Variants in LDLRAD3 observed in about 807,000 individuals in gnomAD.
The protein encoded by LDLRAD3 is low density lipoprotein receptor class A domain containing 3.
In LDLRAD3, 20 loss-of-function variants were observed where a neutral mutation model predicts 29.4. The ratio of observed to expected loss-of-function variants is 0.68; its 90% confidence interval spans 0.48 to 0.99. The LOEUF (loss-of-function observed/expected upper bound fraction) is 0.99. Among genes scored for constraint, LDLRAD3 ranks in the 50% least tolerant of loss-of-function variants. The pLI is 0.00. For synonymous variants in LDLRAD3, 157 were observed against 192.7 expected (o/e 0.81, Z 1.53); for missense variants, 420 against 454.3 (o/e 0.92, Z 0.69).
At chr11:36,117,441 G>A (rs552482998) in intron 4 of LDLRAD3, among the ~76,000 whole-genome samples, 3 of 152,298 alleles carry the variant, frequency 2.0e-5, no homozygotes, top group Admixed American at 6.5e-5. Context: ...AACTACACTC[G>A]TTTGCTGACT....
chr11:35,952,740 A>G (rs978064245), intron 1 of LDLRAD3, among the ~76,000 whole-genome samples: 2 of 152,190 alleles, frequency 1.3e-5, no homozygotes, highest in Non-Finnish European at 2.9e-5. Flanking sequence ...CTGGAAATAT[A>G]TTTTCTAGAC....
At chr11:35,993,391 G>A (rs151189331) in intron 1 of LDLRAD3, among the ~76,000 whole-genome samples, 101 of 152,286 alleles carry the variant, frequency 6.6e-4, no homozygotes, top group Middle Eastern at 3.4e-3. Flanking sequence ...CTGGCTGAGC[G>A]AGGAGGCTCC....
At chr11:36,139,088 G>T (rs1292569072) in intron 4 of LDLRAD3, among the ~76,000 whole-genome samples, 1 of 152,174 alleles carries the variant, frequency 6.6e-6, no homozygotes, top group Non-Finnish European at 1.5e-5. Flanking sequence ...TCTCTTTGTG[G>T]CCCTACTCAG....
chr11:36,198,908 GT>G (rs201753607), intron 4 of LDLRAD3, among the ~76,000 whole-genome samples: 1 of 150,412 alleles, frequency 6.6e-6, no homozygotes, highest in Non-Finnish European at 1.5e-5. Flanking sequence ...TTCTTGTTTT[GT>G]TTTTTTTTGG....
rs919536298 is a variant in LDLRAD3 at position 36,115,124 on chromosome 11, A to G, written c.454+16663A>G. Among the ~76,000 whole-genome samples, 4 of 152,292 alleles carry G rather than the reference A, an allele frequency of 2.6e-5. No homozygotes were observed. The South Asian group carries it at 6.2e-4, about 24-fold the overall frequency. On this transcript the variant is annotated intron_variant, in intron 4 of 5. Coordinates refer to ENST00000315571, the MANE Select transcript of LDLRAD3 (RefSeq NM_174902.4). ...TGAGGAAGCCCGAACTATCTACACA[A>G]AGAGACCCTGGAGAGGCCAATGAGA...
intron 2 of LDLRAD3, among the ~76,000 whole-genome samples, chr11:36,058,560 T>G (rs540859710): frequency 6.6e-6 from 1 of 152,342 alleles, no homozygotes; most frequent in East Asian, 1.9e-4. Context: ...GGGAGAGCCC[T>G]CTGAATGTCT....
rs560292973 is a variant in LDLRAD3, at chr11:36,078,381, C to T, written c.194-3272C>T. ...AGTGCCAAGCTGTCTTCAGCACCCCCTTGGTCTCCCTCCCATGTTTGTCTT... is the reference window on the plus strand; with the variant it reads ...AGTGCCAAGCTGTCTTCAGCACCCCTTTGGTCTCCCTCCCATGTTTGTCTT... On this transcript the variant is annotated intron_variant, in intron 2 of 5. Transcript: ENST00000315571. Among the ~76,000 whole-genome samples, 4 of 152,338 alleles carry T rather than the reference C, an allele frequency of 2.6e-5. No individual in the cohort carries two copies. In the East Asian group the frequency reaches 7.7e-4, roughly 29 times the overall value.
chr11:36,096,669 A>G (rs1455289777), intron 3 of LDLRAD3, among the ~76,000 whole-genome samples: 2 of 152,262 alleles, frequency 1.3e-5, no homozygotes, highest in Admixed American at 6.5e-5. Flanking sequence ...AAGTAGCAGT[A>G]TCAGCTTTTT....
At chr11:36,110,779 C>A (rs980359340) in intron 4 of LDLRAD3, among the ~76,000 whole-genome samples, 2 of 152,230 alleles carry the variant, frequency 1.3e-5, no homozygotes, top group African/African-American at 4.8e-5. Flanking sequence ...AGATAATTAC[C>A]CTCAAGTGTG....
intron 1 of LDLRAD3, among the ~76,000 whole-genome samples, chr11:36,009,504 G>A (rs1480863367): frequency 6.6e-6 from 1 of 152,178 alleles, no homozygotes; most frequent in Non-Finnish European, 1.5e-5. Flanking sequence ...AATAGAAATG[G>A]ATTTCCACCC....
At chr11:36,006,507 G>A (rs1409855333) in intron 1 of LDLRAD3, among the ~76,000 whole-genome samples, 4 of 152,172 alleles carry the variant, frequency 2.6e-5, no homozygotes, top group South Asian at 2.1e-4. Context: ...CACCCTCCCC[G>A]AATCCCAGAC....
At chr11:35,959,950 T>C (rs934823144) in intron 1 of LDLRAD3, among the ~76,000 whole-genome samples, 3 of 152,002 alleles carry the variant, frequency 2.0e-5, no homozygotes, top group African/African-American at 7.2e-5. Context: ...AAAAGAAAAA[T>C]GTATTACAGA....
chr11:36,123,142 G>A (rs1853784496), intron 4 of LDLRAD3, among the ~76,000 whole-genome samples: 1 of 152,072 alleles, frequency 6.6e-6, no homozygotes, highest in South Asian at 2.1e-4. Context: ...AACTATGATG[G>A]CACCACTGCA....
intron 1 of LDLRAD3, among the ~76,000 whole-genome samples, chr11:35,945,333 T>TG (rs1851042927): frequency 6.6e-6 from 1 of 152,238 alleles, no homozygotes. Context: ...TTGATGTCCC[T>TG]GGTCCTGGGC....
At chr11:36,194,141 G>C (rs1854997229) in intron 4 of LDLRAD3, among the ~76,000 whole-genome samples, 1 of 152,088 alleles carries the variant, frequency 6.6e-6, no homozygotes, top group Non-Finnish European at 1.5e-5. Context: ...AGGCTCCTTA[G>C]GTGCAGGGCC....
At chr11:36,211,266 C>T (rs1855280919) in intron 4 of LDLRAD3, among the ~76,000 whole-genome samples, 1 of 152,162 alleles carries the variant, frequency 6.6e-6, no homozygotes, top group Admixed American at 6.5e-5. Flanking sequence ...GCTGGACTGA[C>T]CCCTGAGCTA....
intron 4 of LDLRAD3, among the ~76,000 whole-genome samples, chr11:36,198,385 A>G (rs1450467516): frequency 1.3e-5 from 2 of 152,140 alleles, no homozygotes; most frequent in Non-Finnish European, 2.9e-5. Context: ...ACACACACAC[A>G]CACACACTTT....
rs992606347 is a variant in LDLRAD3 at position 35,996,221 on chromosome 11, T to A, written c.47-39882T>A. 2.0e-5 allele frequency among the ~76,000 whole-genome samples: 3 copies of A among 152,316 alleles called. No homozygotes were observed. In the South Asian group the frequency reaches 6.2e-4, roughly 32 times the overall value. On this transcript the variant is annotated intron_variant, in intron 1 of 5. Coordinates refer to ENST00000315571, the MANE Select transcript of LDLRAD3 (RefSeq NM_174902.4). ...CAACGCTTTCTTCCTCTTGAACACTTAGAGGCCATGGTAGGATTATTAACT... is the reference window on the plus strand; with the variant it reads ...CAACGCTTTCTTCCTCTTGAACACTAAGAGGCCATGGTAGGATTATTAACT...
At chr11:35,995,860 G>C (rs1851747289) in intron 1 of LDLRAD3, among the ~76,000 whole-genome samples, 1 of 152,186 alleles carries the variant, frequency 6.6e-6, no homozygotes, top group Non-Finnish European at 1.5e-5. Flanking sequence ...CTTTCCTTCT[G>C]CAGCTTTCTC....
Sources: allele counts gnomAD v4.1 joint callset (sites outside exome capture counted in the v4.1 genomes callset), GRCh38; gene constraint gnomAD v4.1.1; transcripts MANE v1.5; gene names NCBI Gene and HGNC (gene_info 2026-07-23, HGNC 2026-07-21).